The following SERPINB9 variants were observed in gnomAD, a reference collection of about 807,000 sequenced individuals.
SERPINB9 encodes the protein serpin B9.
In SERPINB9, 20 loss-of-function variants were observed where a neutral mutation model predicts 27.2. That is an observed-to-expected ratio of 0.74 (90% CI 0.52 to 1.07). SERPINB9 has a LOEUF of 1.07. SERPINB9 is among the 50% of genes least tolerant of loss of function. SERPINB9 has a pLI of 0.00. For synonymous variants in SERPINB9, 189 were observed against 180.0 expected, an observed-to-expected ratio of 1.05 and a Z score of -0.40; for missense variants, 476 against 460.1, an observed-to-expected ratio of 1.03 and a Z score of -0.32.
rs771727722 is a variant in SERPINB9 at position 2,890,138 on chromosome 6, G to T, written c.*25C>A. On this transcript the variant is annotated 3_prime_UTR_variant, in exon 7 of 7. Coordinates refer to ENST00000380698, the MANE Select transcript of SERPINB9 (RefSeq NM_004155.6). The surrounding 1 kb of genome is among the most constrained non-coding windows in gnomAD (Gnocchi z 6.2). ...CTGGGGACACAGGAAGAGGGAAATGGCCGAGTGCACGGTAAGTGCACCCTT... is the reference window on the plus strand; with the variant it reads ...CTGGGGACACAGGAAGAGGGAAATGTCCGAGTGCACGGTAAGTGCACCCTT... 23 of 1,593,388 alleles carry T rather than the reference G, an allele frequency of 1.4e-5. No homozygotes were observed. Among genetic ancestry groups the T allele is most frequent in the Non-Finnish European group, 1.9e-5 (22 of 1,167,114 alleles).
Position 2,895,414 on chromosome 6 carries a change from G to C in SERPINB9, c.401C>G (p.Thr134Ser). Residue 134 changes from threonine to serine, a missense_variant, in exon 4 of 7, where the codon ACC becomes AGC. By Grantham distance (58) the Thr-to-Ser change is moderately conservative. Transcript: ENST00000380698. ...AAEESRKHIN[T>S]WVSKKTEGKI... is the part of the protein sequence containing the mutation. ...ACCTTCGGTCTTTTTTGAGACCCAG[G>C]TGTTGATGTGTTTCCTGGACTCTTC... is the stretch of plus-strand genomic sequence containing the variant. 2 of 1,612,608 alleles carry C rather than the reference G, an allele frequency of 1.2e-6. No individual in the cohort carries two copies. The highest frequency in any genetic ancestry group is 1.6e-4 in the Middle Eastern group (1 of 6,062).
intron 1 of SERPINB9, among the ~76,000 whole-genome samples, chr6:2,901,240 G>A (rs752010649): frequency 7.9e-5 from 12 of 152,122 alleles, no homozygotes; most frequent in Non-Finnish European, 7.4e-5. Flanking sequence ...CCAGGCCCAC[G>A]CGGCCTGACA....
chr6:2,900,449 C>T lies in SERPINB9; in HGVS notation c.163G>A (p.Ala55Thr). Reference protein sequence around the residue: ...GAKGNTATQMAQALSLNTEED... With the variant: ...GAKGNTATQMTQALSLNTEED... ...TGGCGGACGGGCAAGCTTACCTGGG[C>T]CATCTGGGTTGCGGTGTTTCCCTTT... The change falls in exon 2 of 7, where the codon GCC (alanine) becomes ACC (threonine). Residue 55 changes from alanine to threonine, a missense_variant. Coordinates refer to ENST00000380698, the MANE Select transcript of SERPINB9 (RefSeq NM_004155.6). 1.2e-6 allele frequency: 2 copies of T among 1,613,906 alleles called. No individual in the cohort carries two copies. The highest frequency in any genetic ancestry group is 1.7e-6 in the Non-Finnish European group (2 of 1,179,942).
At chr6:2,898,695 T>C (rs1355916364) in intron 2 of SERPINB9, among the ~76,000 whole-genome samples, 1 of 151,858 alleles carries the variant, frequency 6.6e-6, no homozygotes, top group African/African-American at 2.4e-5. Flanking sequence ...GCACCTGTAG[T>C]CCCAGCTACT....
In SERPINB9 at chr6:2,890,266, A is replaced by C; in HGVS notation, c.1028T>G (p.Met343Arg). 1 of 1,614,226 alleles carries C rather than the reference A, an allele frequency of 6.2e-7. No individual in the cohort carries two copies. The highest frequency in any genetic ancestry group is 8.5e-7 in the Non-Finnish European group (1 of 1,180,032). The change falls in exon 7 of 7, where the codon ATG (methionine) becomes AGG (arginine). Residue 343 changes from methionine to arginine, a missense_variant. Coordinates refer to ENST00000380698, the MANE Select transcript of SERPINB9 (RefSeq NM_004155.6). This position sits in a 1 kb window ranked among gnomAD's most constrained non-coding sequence, Gnocchi z 6.2. Reference sequence around the variant, plus strand: ...AGCACAGAACCTGGGGCCAGATTCCATGCAGCACTCTGCAACTACAAAGCA... The same window carrying C: ...AGCACAGAACCTGGGGCCAGATTCCCTGCAGCACTCTGCAACTACAAAGCA... ...SSCFVVAECC[M>R]ESGPRFCADH...
Position 2,893,517 on chromosome 6 carries a change from T to C in SERPINB9, c.461A>G (p.Asp154Gly). The C allele has an allele frequency of 6.2e-7, 1 of 1,612,910 alleles. No homozygotes were observed. The highest frequency in any genetic ancestry group is 8.5e-7 in the Non-Finnish European group (1 of 1,179,348). Residue 154 changes from aspartate (D) to glycine (G), a missense_variant, in exon 5 of 7, where the codon GAT becomes GGT. Asp to Gly is a moderately conservative substitution (Grantham distance 94). Transcript: ENST00000380698. ...GACAAGAACCAGCCTGGTTTCTGCA[T>C]CAATTGAGCTACCCGGCAACAACTC... ...IEELLPGSSI[D>G]AETRLVLVNA...
At chr6:2,900,883 T>TCACACACACACACACACA (rs1043594260) in intron 1 of SERPINB9, among the ~76,000 whole-genome samples, 2 of 26,546 alleles carry the variant, frequency 7.5e-5, no homozygotes, top group East Asian at 1.8e-3. Context: ...GAGCTCGCTC[T>TCACACACACACACACACA]CTCACACACA....
chr6:2,896,158 A>T lies in SERPINB9; in HGVS notation c.201T>A (p.His67Gln), dbSNP rs764435761. The T allele has an allele frequency of 6.2e-7, 1 of 1,614,118 alleles. No individual in the cohort carries two copies. The highest frequency in any genetic ancestry group is 2.2e-5 in the East Asian group (1 of 44,882). Residue 67 changes from histidine (H) to glutamine (Q), a missense_variant, in exon 3 of 7, where the codon CAT (histidine) becomes CAA (glutamine). Physicochemically the swap from His to Gln is conservative, Grantham distance 24 (BLOSUM62 0). Transcript: ENST00000380698. ...ALSLNTEEDIHRAFQSLLTEV... is the reference protein window; with the variant it reads ...ALSLNTEEDIQRAFQSLLTEV... Reference sequence around the variant, plus strand: ...CAGTGAGAAGCGACTGGAAAGCCCGATGAATGTCTTCCTCTGTGTTTAAAG... The same window carrying T: ...CAGTGAGAAGCGACTGGAAAGCCCGTTGAATGTCTTCCTCTGTGTTTAAAG...
chr6:2,892,384 G>T (rs949092102), intron 5 of SERPINB9, among the ~76,000 whole-genome samples: 1 of 151,626 alleles, frequency 6.6e-6, no homozygotes, highest in African/African-American at 2.4e-5. Context: ...CAACATATGA[G>T]AAAAAAAATC....
intron 5 of SERPINB9, among the ~76,000 whole-genome samples, chr6:2,893,205 A>AT (rs1221658456): frequency 7.1e-6 from 1 of 141,076 alleles, no homozygotes; most frequent in African/African-American, 2.6e-5. Context: ...TATATATATT[A>AT]TATATACGTA....
At chr6:2,895,922 GAAAAAAA>G in intron 3 of SERPINB9, 124 bp downstream of exon 3, 1 of 954,100 alleles carries the variant, frequency 1.0e-6, no homozygotes, top group Non-Finnish European at 1.5e-6. Context: ...CCCCATCTTA[GAAAAAAA>G]AATAGTGCAA....
rs1240289075 is a variant in SERPINB9 at position 2,891,136 on chromosome 6, A to C, written c.724-566T>G. 6.6e-6 allele frequency among the ~76,000 whole-genome samples: 1 copy of C among 152,166 alleles called. No individual in the cohort carries two copies. Among genetic ancestry groups the C allele is most frequent in the Non-Finnish European group, 1.5e-5 (1 of 68,030 alleles). Reference sequence around the variant, plus strand: ...GCTGCGCACACAGACCTCTTAAGTCATGGGGTCCCACTGCCTGCCATTTGC... The same window carrying C: ...GCTGCGCACACAGACCTCTTAAGTCCTGGGGTCCCACTGCCTGCCATTTGC... On this transcript the variant is annotated intron_variant, in intron 6 of 6. Coordinates refer to ENST00000380698, the MANE Select transcript of SERPINB9 (RefSeq NM_004155.6). This position sits in a 1 kb window ranked among gnomAD's most constrained non-coding sequence, Gnocchi z 4.0.
intron 4 of SERPINB9, among the ~76,000 whole-genome samples, 166 bp from the exon 5 acceptor site, chr6:2,893,719 TACTGA>T (rs202101602): frequency 0.019 from 2,959 of 152,304 alleles, 35 homozygotes; most frequent in Non-Finnish European, 0.029. Context: ...TATTCATGAT[TACTGA>T]CACCTTGAGA....
rs759147892 is a variant in SERPINB9 at position 2,894,516 on chromosome 6, G to T, written c.424+875C>A. 1.1e-4 allele frequency among the ~76,000 whole-genome samples: 16 copies of T among 152,162 alleles called. No individual in the cohort carries two copies. Among genetic ancestry groups the T allele is most frequent in the Non-Finnish European group, 1.8e-4 (12 of 68,024 alleles). On this transcript the variant is annotated intron_variant, in intron 4 of 6. Coordinates refer to ENST00000380698, the MANE Select transcript of SERPINB9 (RefSeq NM_004155.6). The surrounding 1 kb of genome is among the most constrained non-coding windows in gnomAD (Gnocchi z 4.7). Reference sequence around the variant, plus strand: ...AGGCTTATCAAGTCAAACTAAAGGAGCTTAAGTGGAAGACATGAAAAGTCA... The same window carrying T: ...AGGCTTATCAAGTCAAACTAAAGGATCTTAAGTGGAAGACATGAAAAGTCA...
rs547988625 is a variant in SERPINB9 at position 2,902,036 on chromosome 6, G to A, written c.-11+1165C>T. 1.7e-3 allele frequency among the ~76,000 whole-genome samples: 261 copies of A among 152,194 alleles called. 1 individual carries two copies. The highest frequency in any genetic ancestry group is 5.8e-3 in the African/African-American group (241 of 41,540). On this transcript the variant is annotated intron_variant, in intron 1 of 6. Coordinates refer to ENST00000380698, the MANE Select transcript of SERPINB9 (RefSeq NM_004155.6). ...GGGGCCCTTAGGCCCCTCAAAGGTG[G>A]CCGCTCAAAGCCACCTTGTTAAAAC... is the stretch of plus-strand genomic sequence containing the variant.
chr6:2,892,070 G>T (rs1273963140), intron 5 of SERPINB9, 82 bp from the exon 6 acceptor site: 1 of 749,646 alleles, frequency 1.3e-6, no homozygotes, highest in East Asian at 5.2e-5. Flanking sequence ...CAGCACCTGT[G>T]ATGGAAACCG....
In SERPINB9 at chr6:2,895,395, G is replaced by C. The variant is rs368042375; in HGVS notation, c.420C>G (p.Thr140=). The C allele has an allele frequency of 4.4e-6, 7 of 1,604,872 alleles. No homozygotes were observed. The Admixed American group carries it at 5.2e-5, about 12-fold the overall frequency. The change falls in exon 4 of 7, where the codon ACC becomes ACG. Residue 140 remains threonine, a synonymous_variant. Coordinates refer to ENST00000380698, the MANE Select transcript of SERPINB9 (RefSeq NM_004155.6). The stretch of plus-strand genomic sequence containing the variant: ...GCAATAACTTGTCATTCTGACCTTC[G>C]GTCTTTTTTGAGACCCAGGTGTTGA... The part of the protein sequence containing the change: ...KHINTWVSKK[T]EGKIEELLPG...
intron 2 of SERPINB9, 63 bp from the exon 3 acceptor site, chr6:2,896,253 G>A (rs1454142545): frequency 6.0e-6 from 9 of 1,502,166 alleles, no homozygotes; most frequent in Admixed American, 1.9e-5. Flanking sequence ...GGAGAGGAGA[G>A]AGAGGGGACA....
Position 2,889,520 on chromosome 6 carries a change from C to T in SERPINB9, c.*643G>A, listed in dbSNP as rs1767706577. 6.6e-6 allele frequency: 1 copy of T among 151,252 alleles called. No homozygotes were observed. Among genetic ancestry groups the T allele is most frequent in the South Asian group, 2.1e-4 (1 of 4,800 alleles). The allele number at this position is 151,252 out of a possible 1,614,324, so 9.4% of individuals were successfully genotyped here. A position where few individuals can be genotyped will look rare whatever the true frequency, so the allele number is the denominator to read the frequency against. The stretch of plus-strand genomic sequence containing the variant: ...ACCATCCTGGCTAACACGGTGAAAC[C>T]CCGTCTCTACTAAAAATACAAAAAA... On this transcript the variant is annotated 3_prime_UTR_variant, in exon 7 of 7. Coordinates refer to ENST00000380698, the MANE Select transcript of SERPINB9 (RefSeq NM_004155.6).
Sources: gnomAD v4.1 joint callset for allele counts (sites outside exome capture counted in the v4.1 genomes callset) on GRCh38, gnomAD v4.1.1 for gene constraint, Gnocchi (gnomAD v3.1) non-coding constraint, MANE v1.5 for transcripts, NCBI Gene and HGNC (gene_info 2026-07-23, HGNC 2026-07-21) for gene names.